TRRAP: variants seen among roughly 807,000 people sequenced by gnomAD.
The protein encoded by TRRAP is transformation/transcription domain associated protein.
In TRRAP, 41 loss-of-function variants were observed where a neutral mutation model predicts 438.8. The observed-to-expected ratio is 0.09, with a 90% confidence interval of 0.07 to 0.12. TRRAP has a LOEUF of 0.12. Among genes scored for constraint, TRRAP ranks in the 10% least tolerant of loss-of-function variants. The pLI is 1.00. For missense variants in TRRAP, 3,122 were observed against 5,055.1 expected (o/e 0.62, Z 11.60); for synonymous variants, 1,994 against 1,962.9 (o/e 1.02, Z -0.42).
chr7:99,008,352 C>T, intron 69 of TRRAP, 25 bp from the exon 70 acceptor site: 1 of 1,610,358 alleles, frequency 6.2e-7, no homozygotes, highest in South Asian at 1.1e-5. Context: ...CTCAGCCTGC[C>T]CCGTTTCTCT....
At chr7:98,982,582 T>C (rs1363347256) in intron 59 of TRRAP, among the ~76,000 whole-genome samples, 1 of 152,100 alleles carries the variant, frequency 6.6e-6, no homozygotes, top group East Asian at 1.9e-4. Context: ...ATCAGGATAA[T>C]GAGGATCGAG....
At chr7:98,941,348 G>GCGTTTTT (rs1212277564) in intron 30 of TRRAP, among the ~76,000 whole-genome samples, 1 of 152,084 alleles carries the variant, frequency 6.6e-6, no homozygotes, top group Non-Finnish European at 1.5e-5. Context: ...GCTAGTTTTT[G>GCGTTTTT]CGTTTTTAGT....
intron 67 of TRRAP, among the ~76,000 whole-genome samples, chr7:99,002,564 T>C (rs1479495412): frequency 5.3e-5 from 8 of 152,178 alleles, no homozygotes; most frequent in Non-Finnish European, 1.2e-4. Flanking sequence ...GCGTCCTTGG[T>C]GGTGGCCTCT....
chr7:99,005,416 TC>T lies in TRRAP; in HGVS notation c.10753+69del. 2 of 1,486,884 alleles carry T rather than the reference TC, an allele frequency of 1.3e-6. No individual in the cohort carries two copies. The highest frequency in any genetic ancestry group is 9.4e-7 in the Non-Finnish European group (1 of 1,068,184). The allele number at this position is 1,486,884 out of a possible 1,614,324, so 92.1% of individuals were successfully genotyped here. Reference sequence around the variant, plus strand: ...CACAGGTGGGGATGAGAGCCACACCTCGTGGGGTGCACAGGCAGCTCACGTT... The same window carrying T: ...CACAGGTGGGGATGAGAGCCACACCTGTGGGGTGCACAGGCAGCTCACGTT... On this transcript the variant is annotated intron_variant, in intron 69 of 72. Coordinates refer to ENST00000456197, the MANE Select transcript of TRRAP (RefSeq NM_001375524.1). The surrounding 1 kb of genome is among the most constrained non-coding windows in gnomAD (Gnocchi z 5.1).
intron 52 of TRRAP, among the ~76,000 whole-genome samples, chr7:98,970,596 GA>G (rs1792370421): frequency 7.7e-6 from 1 of 130,620 alleles, no homozygotes; most frequent in Non-Finnish European, 1.5e-5. Context: ...AGTTCAGCTA[GA>G]TTTTTTTTTT....
intron 61 of TRRAP, among the ~76,000 whole-genome samples, chr7:98,984,581 CTTAG>C (rs1485648256): frequency 4.6e-5 from 7 of 152,082 alleles, no homozygotes; most frequent in East Asian, 1.9e-4. Context: ...CTACTATATA[CTTAG>C]TTAATGTGTT....
Position 98,978,332 on chromosome 7 carries a change from AAC to A in TRRAP, c.8498+13_8498+14del, listed in dbSNP as rs776033128. The stretch of plus-strand genomic sequence containing the variant: ...GAAGACCACTGGATTCGGTAAGCCA[AAC>A]ACAGTGCTTGACGTGTGCATGAATC... On this transcript the variant is annotated intron_variant, in intron 57 of 72. Coordinates refer to ENST00000456197, the MANE Select transcript of TRRAP (RefSeq NM_001375524.1). The A allele has an allele frequency of 1.3e-5, 21 of 1,608,052 alleles. No individual in the cohort carries two copies. The highest frequency in any genetic ancestry group is 1.8e-5 in the Non-Finnish European group (21 of 1,175,048).
rs1793547939 is a variant in TRRAP at position 98,994,233 on chromosome 7, T to C, written c.10048-354T>C. Among the ~76,000 whole-genome samples the C allele has an allele frequency of 1.3e-5, 2 of 152,228 alleles. No individual in the cohort carries two copies. Among genetic ancestry groups the C allele is most frequent in the South Asian group, 2.1e-4 (1 of 4,832 alleles). ...CTCCTTACTGCTGTGAAGTCTCGTG[T>C]GTGCACAGTGCACGCAGACACGCGG... On this transcript the variant is annotated intron_variant, in intron 66 of 72. Coordinates refer to ENST00000456197, the MANE Select transcript of TRRAP (RefSeq NM_001375524.1). The surrounding 1 kb of genome is among the most constrained non-coding windows in gnomAD (Gnocchi z 4.8).
At chr7:98,879,416 G>A (rs545159549) in intron 1 of TRRAP, among the ~76,000 whole-genome samples, 1 of 152,122 alleles carries the variant, frequency 6.6e-6, no homozygotes, top group African/African-American at 2.4e-5. Context: ...CCCTGGGATG[G>A]GGATGGGCAG....
chr7:98,951,065 G>A lies in TRRAP; in HGVS notation c.5463+61G>A, dbSNP rs574604346. On this transcript the variant is annotated intron_variant, in intron 39 of 72. Coordinates refer to ENST00000456197, the MANE Select transcript of TRRAP (RefSeq NM_001375524.1). ...CTGGCATGTGGATGAACATCTGTGT[G>A]TGTGTGTGTGTGTGTGTGTGTGTGT... The A allele has an allele frequency of 1.3e-4, 166 of 1,237,428 alleles. No homozygotes were observed. The African/African-American group carries it at 2.5e-3, about 19-fold the overall frequency. 76.7% of individuals were successfully genotyped at this position (1,237,428 alleles called of 1,614,324 possible).
At chr7:98,921,500 C>T (rs1183328314) in intron 20 of TRRAP, among the ~76,000 whole-genome samples, 1 of 152,144 alleles carries the variant, frequency 6.6e-6, no homozygotes, top group East Asian at 1.9e-4. Context: ...CTCAGCATCC[C>T]AAATAGCTGG....
At chr7:98,992,439 A>T (rs932061298) in intron 65 of TRRAP, among the ~76,000 whole-genome samples, 3 of 152,220 alleles carry the variant, frequency 2.0e-5, no homozygotes, top group Non-Finnish European at 4.4e-5. Context: ...GCGTTCATTT[A>T]TCCGAGTGAT....
intron 47 of TRRAP, among the ~76,000 whole-genome samples, chr7:98,963,311 G>C (rs376506922): frequency 2.0e-4 from 30 of 152,326 alleles, no homozygotes; most frequent in South Asian, 1.0e-3. Context: ...CAGCAGCTGG[G>C]TGCGGAGAGT....
intron 65 of TRRAP, among the ~76,000 whole-genome samples, chr7:98,992,799 C>G (rs1033956151): frequency 2.6e-5 from 4 of 152,108 alleles, no homozygotes; most frequent in Non-Finnish European, 5.9e-5. Flanking sequence ...CCCTTGTTTT[C>G]AATGCTGAGT....
chr7:98,883,982 G>A (rs1428318444), intron 3 of TRRAP, among the ~76,000 whole-genome samples: 1 of 152,156 alleles, frequency 6.6e-6, no homozygotes, highest in African/African-American at 2.4e-5. Flanking sequence ...CTTTGGGGAG[G>A]ATCTGTGGAT....
chr7:98,961,185 C>A (rs1791875409), intron 45 of TRRAP, 76 bp from the exon 46 acceptor site: 1 of 1,477,296 alleles, frequency 6.8e-7, no homozygotes. Flanking sequence ...CTAGATTTTG[C>A]CAGACTCTTG....
chr7:98,913,463 A>G (rs1187090579), intron 18 of TRRAP, among the ~76,000 whole-genome samples: 1 of 151,674 alleles, frequency 6.6e-6, no homozygotes, highest in Non-Finnish European at 1.5e-5. Context: ...TAATTTTTGT[A>G]TTTTTAGTGG....
chr7:98,977,633 C>G (rs1012941779), intron 56 of TRRAP, among the ~76,000 whole-genome samples: 1 of 152,192 alleles, frequency 6.6e-6, no homozygotes, highest in Non-Finnish European at 1.5e-5. Context: ...GTCGTTGGTC[C>G]TGTTGGAAGT....
intron 49 of TRRAP, among the ~76,000 whole-genome samples, chr7:98,966,257 G>C (rs1207169062): frequency 1.3e-5 from 2 of 151,814 alleles, no homozygotes; most frequent in Non-Finnish European, 2.9e-5. Flanking sequence ...GGTGAGCTGA[G>C]ATCACGCCAT....
Sources: gnomAD v4.1 joint callset for allele counts (sites outside exome capture counted in the v4.1 genomes callset) on GRCh38, gnomAD v4.1.1 for gene constraint, Gnocchi (gnomAD v3.1) non-coding constraint, MANE v1.5 for transcripts, NCBI Gene and HGNC (gene_info 2026-07-23, HGNC 2026-07-21) for gene names.